ADGRL2: variants seen among roughly 807,000 people sequenced by gnomAD.
ADGRL2 encodes the protein calcium-independent alpha-latrotoxin receptor 2.
ADGRL2 carries 44 observed loss-of-function variants against 157.4 expected under a neutral mutation model. The ratio of observed to expected loss-of-function variants is 0.28; its 90% CI spans 0.22 to 0.36. ADGRL2 has a LOEUF of 0.36. ADGRL2 is among the 10% of genes least tolerant of loss of function. The pLI, the probability that ADGRL2 is intolerant of heterozygous loss-of-function variation, is 1.00. For synonymous variants in ADGRL2, 585 were observed against 624.7 expected (o/e 0.94, Z 0.95); for missense variants, 1,510 against 1,768.9 (o/e 0.85, Z 2.63).
At chr1:81,699,787 A>G (rs910646470) in exon 1 of ADGRL2, 1 of 152,214 alleles carries the variant, frequency 6.6e-6, no homozygotes, top group Non-Finnish European at 1.5e-5. Flanking sequence ...TTCTATGTGG[A>G]TCCAGCATTA....
intron 2 of ADGRL2, among the ~76,000 whole-genome samples, chr1:81,474,144 C>G (rs907322712): frequency 3.9e-5 from 6 of 152,158 alleles, no homozygotes; most frequent in South Asian, 2.1e-4. Context: ...ATGAAATGAA[C>G]GTTTGAGTTT....
At chr1:81,927,344 C>A (rs2095130707) in intron 3 of ADGRL2, among the ~76,000 whole-genome samples, 2 of 151,908 alleles carry the variant, frequency 1.3e-5, no homozygotes, top group South Asian at 4.1e-4. Context: ...AAACATTTTG[C>A]ATTTTTGCTT....
At chr1:81,867,358 A>G (rs2093570667) in intron 2 of ADGRL2, among the ~76,000 whole-genome samples, 2 of 152,194 alleles carry the variant, frequency 1.3e-5, no homozygotes, top group Non-Finnish European at 2.9e-5. Context: ...TTGGGTGTCT[A>G]TAAAAACGAA....
At chr1:81,930,902 C>T (rs536704873) in intron 3 of ADGRL2, among the ~76,000 whole-genome samples, 12 of 151,940 alleles carry the variant, frequency 7.9e-5, no homozygotes, top group South Asian at 2.1e-4. Context: ...GAGGCCAAGG[C>T]GGGTGGATCA....
In ADGRL2 at chr1:81,984,725, T is replaced by A; in HGVS notation, c.3411+14T>A. 1 of 1,611,772 alleles carries A rather than the reference T, an allele frequency of 6.2e-7. No homozygotes were observed. The highest frequency in any genetic ancestry group is 8.5e-7 in the Non-Finnish European group (1 of 1,178,464). ...TCTGGCACACAGGTAACAAAGAGTT[T>A]GACAGCATCTTTAATTAACCTTATT... On this transcript the variant is annotated intron_variant, in intron 20 of 23. Transcript: ENST00000686636.
At chr1:81,529,988 A>G (rs1413866168) in intron 2 of ADGRL2, among the ~76,000 whole-genome samples, 5 of 152,224 alleles carry the variant, frequency 3.3e-5, no homozygotes, top group African/African-American at 1.2e-4. Context: ...TGTATACGCA[A>G]TAACATGCCC....
Position 81,829,057 on chromosome 1 carries a change from G to A in ADGRL2, c.-100-7828G>A, listed in dbSNP as rs915417443. ...CTCCCGAGTAGCTGGGATTACAGGC[G>A]CCTGCCACCATGCCTGGCTAATTTT... On this transcript the variant is annotated intron_variant, in intron 1 of 23. Coordinates refer to ENST00000686636, the MANE Select transcript of ADGRL2 (RefSeq NM_001366006.2). Among the ~76,000 whole-genome samples the A allele has an allele frequency of 4.6e-5, 7 of 151,824 alleles. No homozygotes were observed. The East Asian group carries it at 7.7e-4, about 17-fold the overall frequency.
At chr1:81,732,213 A>G (rs1177562958) in intron 1 of ADGRL2, among the ~76,000 whole-genome samples, 2 of 152,172 alleles carry the variant, frequency 1.3e-5, no homozygotes, top group Non-Finnish European at 2.9e-5. Flanking sequence ...AGAGAGTACA[A>G]TGTGAGATCC....
chr1:81,911,876 ATTTTT>A (rs543340647), intron 3 of ADGRL2, among the ~76,000 whole-genome samples: 1 of 120,736 alleles, frequency 8.3e-6, no homozygotes, highest in Non-Finnish European at 1.8e-5. Flanking sequence ...CCTGCCTCCC[ATTTTT>A]TTTTTTTTTT....
intron 1 of ADGRL2, among the ~76,000 whole-genome samples, chr1:81,310,558 G>C (rs1659675663): frequency 6.6e-6 from 1 of 152,162 alleles, no homozygotes; most frequent in Non-Finnish European, 1.5e-5. Flanking sequence ...TGTGATACCA[G>C]CATTCTTTTT....
intron 11 of ADGRL2, among the ~76,000 whole-genome samples, chr1:81,956,994 A>G (rs1653709108): frequency 6.6e-6 from 1 of 152,188 alleles, no homozygotes; most frequent in Non-Finnish European, 1.5e-5. Context: ...ATGGACATAA[A>G]TCAAATTAGC....
chr1:81,705,523 C>T (rs1395441612), intron 1 of ADGRL2, among the ~76,000 whole-genome samples: 1 of 151,982 alleles, frequency 6.6e-6, no homozygotes, highest in African/African-American at 2.4e-5. Flanking sequence ...GCTGGGATTA[C>T]AGGCGTGAGC....
chr1:81,511,400 G>GCACA (rs149522214), intron 2 of ADGRL2, among the ~76,000 whole-genome samples: 8,618 of 127,096 alleles, frequency 0.068, 760 homozygotes, highest in African/African-American at 0.21. Flanking sequence ...AAAAAAGCGC[G>GCACA]CACACACACA....
intron 3 of ADGRL2, among the ~76,000 whole-genome samples, chr1:81,613,052 T>A (rs907690097): frequency 1.3e-5 from 2 of 152,078 alleles, no homozygotes; most frequent in African/African-American, 4.8e-5. Flanking sequence ...GGAAACAAAT[T>A]AGTATAATAG....
At chr1:81,609,839 T>C (rs574157615) in intron 3 of ADGRL2, among the ~76,000 whole-genome samples, 1 of 152,346 alleles carries the variant, frequency 6.6e-6, no homozygotes, top group African/African-American at 2.4e-5. Flanking sequence ...TCATGTCTGG[T>C]TGGGAGATAT....
intron 2 of ADGRL2, among the ~76,000 whole-genome samples, chr1:81,901,363 A>G (rs1164377126): frequency 1.3e-5 from 2 of 152,174 alleles, no homozygotes. Flanking sequence ...TTCTTTGCAC[A>G]TCTTAGTTAT....
At chr1:81,826,205 A>G (rs1298596887) in intron 1 of ADGRL2, among the ~76,000 whole-genome samples, 1 of 152,162 alleles carries the variant, frequency 6.6e-6, no homozygotes, top group Non-Finnish European at 1.5e-5. Flanking sequence ...TTTAAAGAAA[A>G]TCTGTTACTT....
chr1:81,523,091 T>C (rs2079362814), intron 2 of ADGRL2, among the ~76,000 whole-genome samples: 2 of 152,044 alleles, frequency 1.3e-5, no homozygotes, highest in African/African-American at 4.8e-5. Flanking sequence ...AAACACTATA[T>C]GACGGAAGTT....
In ADGRL2 at chr1:81,534,385, C is replaced by T. The variant is rs1046301713; in HGVS notation, c.-247-46491C>T. On this transcript the variant is annotated intron_variant, in intron 2 of 24. Coordinates refer to the ADGRL2 transcript ENST00000370721. Reference sequence around the variant, plus strand: ...CCATGTTGGCCAGACTGGCCTCAAACTTCTGACCTCTGGTGATCCACCAGC... The same window carrying T: ...CCATGTTGGCCAGACTGGCCTCAAATTTCTGACCTCTGGTGATCCACCAGC... Among the ~76,000 whole-genome samples, 104 of 152,310 alleles carry T rather than the reference C, an allele frequency of 6.8e-4. 2 individuals are homozygous for T. Among genetic ancestry groups the T allele is most frequent in the African/African-American group, 2.5e-3 (102 of 41,564 alleles).
Sources: allele counts gnomAD v4.1 joint callset (sites outside exome capture counted in the v4.1 genomes callset), GRCh38; gene constraint gnomAD v4.1.1; transcripts MANE v1.5; gene names NCBI Gene and HGNC (gene_info 2026-07-23, HGNC 2026-07-21).